KCNN3: variants seen among roughly 807,000 people sequenced by gnomAD.
KCNN3 encodes the protein potassium calcium-activated channel subfamily N member 3.
Under a neutral mutation model 62.9 loss-of-function variants are expected in KCNN3, and 16 were observed. The ratio of observed to expected loss-of-function variants is 0.25; its 90% CI spans 0.17 to 0.39. The LOEUF is 0.39. KCNN3 is among the 10% of genes least tolerant of loss of function. The probability of loss-of-function intolerance (pLI) is 1.00; values close to 1 mark genes in which losing one functional copy is unlikely to be tolerated. For missense variants in KCNN3, 599 were observed against 949.4 expected (o/e 0.63, Z 4.85); for synonymous variants, 370 against 389.2 (o/e 0.95, Z 0.58).
intron 1 of KCNN3, among the ~76,000 whole-genome samples, chr1:154,866,369 G>A (rs1216592289): frequency 3.3e-5 from 5 of 152,170 alleles, no homozygotes; most frequent in Admixed American, 1.3e-4. Flanking sequence ...AGGCAGATAC[G>A]TGCCTTACAC....
intron 3 of KCNN3, among the ~76,000 whole-genome samples, chr1:154,758,789 T>C (rs12028877): frequency 0.18 from 27,424 of 150,288 alleles, 2,829 homozygotes; most frequent in South Asian, 0.28. Flanking sequence ...AAGGAGAACA[T>C]CGTTTTGTTT....
At chr1:154,795,513 C>T (rs1039258202) in intron 2 of KCNN3, among the ~76,000 whole-genome samples, 1 of 152,188 alleles carries the variant, frequency 6.6e-6, no homozygotes, top group Non-Finnish European at 1.5e-5. Flanking sequence ...ACTGCTGTGC[C>T]ACACATTCCC....
chr1:154,771,066 A>G (rs1344349189), intron 3 of KCNN3, among the ~76,000 whole-genome samples: 15 of 46,840 alleles, frequency 3.2e-4, no homozygotes, highest in African/African-American at 5.1e-4. Flanking sequence ...CAGATAAATA[A>G]ATAAATAAAT....
At chr1:154,759,729 A>G (rs1647913057) in intron 3 of KCNN3, among the ~76,000 whole-genome samples, 2 of 152,226 alleles carry the variant, frequency 1.3e-5, no homozygotes, top group Admixed American at 6.5e-5. Context: ...TCCCTAAGGC[A>G]AAAATCCTGG....
chr1:154,747,112 A>G (rs1398871295), intron 3 of KCNN3, among the ~76,000 whole-genome samples: 3 of 152,098 alleles, frequency 2.0e-5, no homozygotes, highest in African/African-American at 4.8e-5. Flanking sequence ...GACACCAGAC[A>G]CTGTTCCTGA....
intron 3 of KCNN3, among the ~76,000 whole-genome samples, chr1:154,760,907 G>A (rs1647979439): frequency 6.7e-6 from 1 of 148,544 alleles, no homozygotes; most frequent in South Asian, 2.1e-4. Context: ...TGTCCACCAA[G>A]GCCACTGGCC....
intron 1 of KCNN3, among the ~76,000 whole-genome samples, chr1:154,857,727 T>C (rs2101930325): frequency 6.6e-6 from 1 of 152,180 alleles, no homozygotes; most frequent in South Asian, 2.1e-4. Context: ...GAGCCTTGGG[T>C]CTGTCATCTG....
At chr1:154,740,282 T>C (rs1700800510) in intron 3 of KCNN3, among the ~76,000 whole-genome samples, 1 of 152,196 alleles carries the variant, frequency 6.6e-6, no homozygotes, top group African/African-American at 2.4e-5. Flanking sequence ...TTTATTGACT[T>C]ATTGTTATTG....
At chr1:154,816,854 C>T (rs1650688746) in intron 2 of KCNN3, among the ~76,000 whole-genome samples, 1 of 152,238 alleles carries the variant, frequency 6.6e-6, no homozygotes, top group Non-Finnish European at 1.5e-5. Context: ...CTGCTGCCTA[C>T]AGGACATTCC....
intron 6 of KCNN3, among the ~76,000 whole-genome samples, chr1:154,714,508 T>G (rs866972354): frequency 1.0e-3 from 55 of 52,438 alleles, no homozygotes; most frequent in East Asian, 2.6e-3. Flanking sequence ...GTGTGTGGGG[T>G]GTGTGTGTGT....
At chr1:154,865,425 C>T (rs1407385846) in intron 1 of KCNN3, among the ~76,000 whole-genome samples, 2 of 152,164 alleles carry the variant, frequency 1.3e-5, no homozygotes, top group African/African-American at 4.8e-5. Context: ...GGGGCCATCT[C>T]AGGCATCTCT....
intron 2 of KCNN3, among the ~76,000 whole-genome samples, chr1:154,782,839 T>C (rs981004546): frequency 4.6e-5 from 7 of 152,214 alleles, no homozygotes; most frequent in Non-Finnish European, 8.8e-5. Context: ...GTCTTCCAAG[T>C]CCCACGCCCT....
At chr1:154,838,822 C>A (rs1383071240) in intron 1 of KCNN3, among the ~76,000 whole-genome samples, 1 of 152,224 alleles carries the variant, frequency 6.6e-6, no homozygotes, top group Admixed American at 6.5e-5. Flanking sequence ...GTTTCTCCCC[C>A]ACCCCCAGCA....
intron 3 of KCNN3, among the ~76,000 whole-genome samples, chr1:154,763,393 G>T (rs1251449336): frequency 6.6e-6 from 1 of 151,760 alleles, no homozygotes; most frequent in Non-Finnish European, 1.5e-5. Flanking sequence ...TTAAAAATGG[G>T]GTCTCCCTAT....
At chr1:154,747,243 C>A (rs73005428) in intron 3 of KCNN3, among the ~76,000 whole-genome samples, 2,389 of 152,260 alleles carry the variant, frequency 0.016, 67 homozygotes, top group African/African-American at 0.055. Context: ...GTGGTGGGGG[C>A]AGCATTCTGT....
At chr1:154,767,874 G>A (rs954941879) in intron 3 of KCNN3, among the ~76,000 whole-genome samples, 2 of 152,178 alleles carry the variant, frequency 1.3e-5, no homozygotes, top group African/African-American at 4.8e-5. Context: ...CTCTCCTTGG[G>A]AGGAGGAAAT....
chr1:154,756,285 AAGGAGG>A (rs537090649), intron 3 of KCNN3, among the ~76,000 whole-genome samples: 3 of 149,140 alleles, frequency 2.0e-5, no homozygotes, highest in African/African-American at 7.4e-5. Flanking sequence ...CGACGATGAA[AAGGAGG>A]AGGAGGAGGA....
At chr1:154,736,561 G>A (rs554859951) in intron 3 of KCNN3, among the ~76,000 whole-genome samples, 1 of 152,332 alleles carries the variant, frequency 6.6e-6, no homozygotes, top group South Asian at 2.1e-4. Context: ...CAGGTGTCCA[G>A]GGAGAAGCAA....
At position 154,860,115 on chromosome 1, in the gene KCNN3, C is replaced by T. The variant is rs141851057; in HGVS notation, c.933+8917G>A. Among the ~76,000 whole-genome samples the T allele has an allele frequency of 4.5e-3, 680 of 152,308 alleles. 6 individuals carry two copies. Among genetic ancestry groups the T allele is most frequent in the African/African-American group, 0.015 (642 of 41,560 alleles). ...CTGCCCCCTGGCACCTGGCTGGGAA[C>T]GTCACCCACTGCCACAGCCCTGGTG... On this transcript the variant is annotated intron_variant, in intron 1 of 7. Coordinates refer to ENST00000271915, the MANE Select transcript of KCNN3 (RefSeq NM_002249.6).
Sources: gnomAD v4.1 joint callset for allele counts (sites outside exome capture counted in the v4.1 genomes callset) on GRCh38, gnomAD v4.1.1 for gene constraint, MANE v1.5 for transcripts, NCBI Gene and HGNC (gene_info 2026-07-23, HGNC 2026-07-21) for gene names.